Variants in JARID2 observed in about 807,000 individuals in gnomAD.
The protein encoded by JARID2 is protein Jumonji.
JARID2 carries 21 observed loss-of-function variants against 125.6 expected under a neutral mutation model. That is an observed-to-expected ratio of 0.17 (90% CI 0.12 to 0.24). The LOEUF (loss-of-function observed/expected upper bound fraction) is 0.24. JARID2 is among the 10% of genes least tolerant of loss of function. The pLI is 1.00. For synonymous variants in JARID2, 736 were observed against 661.6 expected (o/e 1.11, Z -1.73); for missense variants, 1,303 against 1,639.6 (o/e 0.79, Z 3.55).
intron 1 of JARID2, among the ~76,000 whole-genome samples, chr6:15,269,390 G>A (rs899579815): frequency 6.6e-6 from 1 of 151,884 alleles, no homozygotes. Context: ...TAAGAGACAG[G>A]GTCTGTTGCC....
rs1764267162 is a variant in JARID2 at position 15,374,193 on chromosome 6, A to G, written c.122A>G (p.Lys41Arg). The change falls in exon 2 of 18, where the codon AAG becomes AGG. Residue 41 changes from lysine to arginine, a missense_variant. By Grantham distance (26) the Lys-to-Arg change is conservative. Transcript: ENST00000341776. ...CTTTATTTGTCTCTGAAGGAGTTCA[A>G]GAATTCCCAGAAGAGGCAGCATGCG... The part of the protein sequence containing the change: ...KVLYLSLKEF[K>R]NSQKRQHAEG... 1.2e-6 allele frequency: 2 copies of G among 1,614,188 alleles called. No homozygotes were observed. Among genetic ancestry groups the G allele is most frequent in the Non-Finnish European group, 1.7e-6 (2 of 1,179,990 alleles).
chr6:15,285,666 C>G (rs1054520895), intron 1 of JARID2, among the ~76,000 whole-genome samples: 5 of 152,066 alleles, frequency 3.3e-5, no homozygotes, highest in Admixed American at 6.5e-5. Flanking sequence ...GAGACCTTTT[C>G]TAGTTCTCTA....
intron 2 of JARID2, among the ~76,000 whole-genome samples, chr6:15,383,436 C>T (rs1764667110): frequency 6.6e-6 from 1 of 152,078 alleles, no homozygotes; most frequent in Non-Finnish European, 1.5e-5. Flanking sequence ...CCTCTCTTTA[C>T]TGGTTCATTC....
chr6:15,496,730 C>T lies in JARID2; in HGVS notation c.1505C>T (p.Ala502Val), dbSNP rs751134578. Reference protein sequence around the residue: ...RSLERNRPKRATAGKSTPGRQ... With the variant: ...RSLERNRPKRVTAGKSTPGRQ... Reference sequence around the variant, plus strand: ...CTGGAGAGGAATCGGCCGAAGCGGGCCACGGCCGGGAAGAGCACGCCAGGC... The same window carrying T: ...CTGGAGAGGAATCGGCCGAAGCGGGTCACGGCCGGGAAGAGCACGCCAGGC... Residue 502 changes from alanine (A) to valine (V), a missense_variant, in exon 7 of 18, where the codon GCC becomes GTC. By Grantham distance (64) the Ala-to-Val change is moderately conservative (BLOSUM62 0). Around this residue, in one of 11 missense-constraint regions of JARID2, gnomAD observed 651 missense variants for 581.6 expected, o/e 1.12. Coordinates refer to ENST00000341776, the MANE Select transcript of JARID2 (RefSeq NM_004973.4). 3.7e-6 allele frequency: 6 copies of T among 1,613,546 alleles called. No individual in the cohort carries two copies. Among genetic ancestry groups the T allele is most frequent in the South Asian group, 3.3e-5 (3 of 91,082 alleles).
At chr6:15,312,300 G>A (rs760921289) in intron 1 of JARID2, among the ~76,000 whole-genome samples, 5 of 152,200 alleles carry the variant, frequency 3.3e-5, no homozygotes, top group East Asian at 1.9e-4. Context: ...TGATCCACCC[G>A]CCTCGGCCTC....
At chr6:15,408,422 T>G (rs760562475) in intron 2 of JARID2, among the ~76,000 whole-genome samples, 2 of 152,252 alleles carry the variant, frequency 1.3e-5, no homozygotes, top group Non-Finnish European at 2.9e-5. Context: ...ATAAATATTA[T>G]GTTCCTTGGC....
At chr6:15,286,566 T>A (rs62397317) in intron 1 of JARID2, among the ~76,000 whole-genome samples, 14,463 of 151,318 alleles carry the variant, frequency 0.096, 796 homozygotes, top group East Asian at 0.18. Flanking sequence ...AGTGTTTCGA[T>A]TGAAATTTTG....
At chr6:15,432,449 AAAC>A (rs35484962) in intron 3 of JARID2, among the ~76,000 whole-genome samples, 109,448 of 145,014 alleles carry the variant, frequency 0.75, 39,816 homozygotes, top group Non-Finnish European at 0.77. Context: ...TCACCTTCAA[AAAC>A]AACAACAACA....
intron 4 of JARID2, among the ~76,000 whole-genome samples, chr6:15,457,215 G>A (rs988645927): frequency 2.6e-5 from 4 of 152,084 alleles, no homozygotes; most frequent in African/African-American, 9.7e-5. Flanking sequence ...TCTAATTCCT[G>A]ATGCACATTT....
chr6:15,418,258 G>A (rs911942453), intron 3 of JARID2, among the ~76,000 whole-genome samples: 2 of 131,282 alleles, frequency 1.5e-5, no homozygotes, highest in Non-Finnish European at 1.5e-5. Flanking sequence ...TTGCTCTGTC[G>A]CCAGGCTGGA....
At position 15,256,644 on chromosome 6, in the gene JARID2, T is replaced by TG. The variant is rs557707422; in HGVS notation, c.45+10061dup. Among the ~76,000 whole-genome samples the TG allele has an allele frequency of 5.1e-4, 78 of 152,128 alleles. 1 individual carries two copies. Among genetic ancestry groups the TG allele is most frequent in the Non-Finnish European group, 8.7e-4 (59 of 68,036 alleles). On this transcript the variant is annotated intron_variant, in intron 1 of 17. Coordinates refer to ENST00000341776, the MANE Select transcript of JARID2 (RefSeq NM_004973.4). ...GAGCCCAGCATTTTATTCCTCTACT[T>TG]GCTTGGTGAATGGATTGCCTGAGGA...
intron 2 of JARID2, among the ~76,000 whole-genome samples, chr6:15,389,832 G>C (rs565147054): frequency 6.6e-6 from 1 of 152,300 alleles, no homozygotes; most frequent in Non-Finnish European, 1.5e-5. Context: ...TAATATGATG[G>C]TATGGACCCC....
At position 15,374,160 on chromosome 6, in the gene JARID2, G is replaced by T. The variant is rs779332045; in HGVS notation, c.89G>T (p.Arg30Leu). The T allele has an allele frequency of 3.1e-6, 5 of 1,614,082 alleles. No homozygotes were observed. The highest frequency in any genetic ancestry group is 4.2e-6 in the Non-Finnish European group (5 of 1,179,930). Reference protein sequence around the residue: ...GIPWSEERVVRKVLYLSLKEF... With the variant: ...GIPWSEERVVLKVLYLSLKEF... The stretch of plus-strand genomic sequence containing the variant: ...CCGTGGTCAGAAGAACGGGTGGTAC[G>T]TAAAGTCCTTTATTTGTCTCTGAAG... Residue 30 changes from arginine to leucine, a missense_variant, in exon 2 of 18, where the codon CGT becomes CTT. Coordinates refer to ENST00000341776, the MANE Select transcript of JARID2 (RefSeq NM_004973.4).
intron 1 of JARID2, among the ~76,000 whole-genome samples, chr6:15,365,767 T>G (rs1462263231): frequency 6.6e-6 from 1 of 152,166 alleles, no homozygotes; most frequent in East Asian, 1.9e-4. Context: ...AATTTGCTGC[T>G]TTGAAGTGCT....
chr6:15,473,621 G>A (rs1237100098), intron 5 of JARID2, among the ~76,000 whole-genome samples: 1 of 148,794 alleles, frequency 6.7e-6, no homozygotes, highest in Non-Finnish European at 1.5e-5. Flanking sequence ...AAGACATTTT[G>A]TAGTTTTTGT....
intron 1 of JARID2, among the ~76,000 whole-genome samples, chr6:15,277,699 C>T (rs879344770): frequency 6.6e-6 from 1 of 151,654 alleles, no homozygotes; most frequent in Non-Finnish European, 1.5e-5. Flanking sequence ...GATTGATTCA[C>T]CTGTTTAAAA....
intron 1 of JARID2, among the ~76,000 whole-genome samples, chr6:15,291,102 G>A (rs1462245239): frequency 6.6e-6 from 1 of 152,088 alleles, no homozygotes; most frequent in African/African-American, 2.4e-5. Context: ...CAGCCGTGGC[G>A]GTGCATGCTT....
intron 1 of JARID2, among the ~76,000 whole-genome samples, chr6:15,355,533 A>T (rs1257597632): frequency 6.6e-6 from 1 of 152,054 alleles, no homozygotes; most frequent in African/African-American, 2.4e-5. Flanking sequence ...AAAAAATCAC[A>T]TAAGATTCAC....
intron 2 of JARID2, among the ~76,000 whole-genome samples, chr6:15,400,445 T>C (rs990380787): frequency 6.8e-6 from 1 of 147,190 alleles, no homozygotes; most frequent in African/African-American, 2.5e-5. Flanking sequence ...GGGATGCCAT[T>C]GAAACTGCGC....
Sources: allele counts gnomAD v4.1 joint callset (sites outside exome capture counted in the v4.1 genomes callset), GRCh38; gene constraint gnomAD v4.1.1; regional missense constraint gnomAD v4.1.1; transcripts MANE v1.5; gene names NCBI Gene and HGNC (gene_info 2026-07-23, HGNC 2026-07-21).